Variants in ANK2 observed in about 807,000 individuals in gnomAD.
ANK2 encodes the protein ankyrin 2.
In ANK2, 83 loss-of-function variants were observed where a neutral mutation model predicts 360.5. The observed-to-expected ratio is 0.23, with a 90% CI of 0.19 to 0.28. The LOEUF is 0.28. Ranked by LOEUF, ANK2 falls within the 10% of genes least tolerant of loss-of-function variation. The probability of loss-of-function intolerance (pLI) is 1.00; values close to 1 mark genes in which losing one functional copy is unlikely to be tolerated. For synonymous variants in ANK2, 1,740 were observed against 1,759.5 expected (o/e 0.99, Z 0.28); for missense variants, 4,201 against 4,795.7 (o/e 0.88, Z 3.66).
intron 2 of ANK2, among the ~76,000 whole-genome samples, chr4:112,994,440 A>G (rs2047855798): frequency 6.6e-6 from 1 of 152,224 alleles, no homozygotes; most frequent in Admixed American, 6.5e-5. Context: ...GAACATTTCT[A>G]TCTCAGCTAG....
At chr4:113,164,379 T>A (rs1256226777) in intron 1 of ANK2, among the ~76,000 whole-genome samples, 2 of 152,260 alleles carry the variant, frequency 1.3e-5, no homozygotes, top group African/African-American at 4.8e-5. Flanking sequence ...TGCAAGTTCT[T>A]TTAAAATAGT....
chr4:113,137,512 G>A (rs1337789709), intron 1 of ANK2, among the ~76,000 whole-genome samples: 2 of 152,052 alleles, frequency 1.3e-5, no homozygotes, highest in African/African-American at 4.8e-5. Flanking sequence ...AAATACTAAG[G>A]AACTGGTAGA....
intron 1 of ANK2, among the ~76,000 whole-genome samples, chr4:113,112,650 C>T (rs576050800): frequency 1.5e-4 from 23 of 152,032 alleles, no homozygotes; most frequent in East Asian, 3.9e-4. Flanking sequence ...AGGGGTGTCC[C>T]GAGGGTAGCT....
At chr4:112,753,164 T>C in the ANK2 span, among the ~76,000 whole-genome samples, 1 of 152,198 alleles carries the variant, frequency 6.6e-6, no homozygotes, top group Non-Finnish European at 1.5e-5. Flanking sequence ...CTCACCAAGG[T>C]GCTTCTCCCG....
At chr4:112,746,397 A>T in the ANK2 span, among the ~76,000 whole-genome samples, 1 of 151,772 alleles carries the variant, frequency 6.6e-6, no homozygotes, top group Non-Finnish European at 1.5e-5. Context: ...TAACCCAGGT[A>T]CTCAGGAGGC....
chr4:112,727,053 A>AT, the ANK2 span, among the ~76,000 whole-genome samples: 1 of 152,018 alleles, frequency 6.6e-6, no homozygotes, highest in Non-Finnish European at 1.5e-5. Flanking sequence ...TAATTCAGAG[A>AT]CTAGCTGTAG....
At chr4:113,147,242 G>A (rs958346038) in intron 1 of ANK2, among the ~76,000 whole-genome samples, 12 of 152,154 alleles carry the variant, frequency 7.9e-5, no homozygotes, top group South Asian at 4.1e-4. Context: ...CCGCACAGGC[G>A]AGGTTTGTAA....
rs761605278 is a variant in ANK2 at position 113,381,511 on chromosome 4, T to C, written c.*40T>C. ...AGAGGGCTGTGGTGAAGGACCAGCA[T>C]GGAAAACGCATTGACTTGGAGCACC... On this transcript the variant is annotated 3_prime_UTR_variant, in exon 46 of 46. Transcript: ENST00000357077. 1 of 1,614,008 alleles carries C rather than the reference T, an allele frequency of 6.2e-7. No individual in the cohort carries two copies.
intron 5 of ANK2, among the ~76,000 whole-genome samples, chr4:113,235,150 CTT>C (rs1167665052): frequency 1.3e-5 from 2 of 152,188 alleles, no homozygotes; most frequent in East Asian, 3.9e-4. Context: ...ATTTCACACT[CTT>C]TTAATATAAA....
chr4:112,827,184 C>T (rs1010574073), intron 1 of ANK2: 1 of 1,154,442 alleles, frequency 8.7e-7, no homozygotes. Context: ...GTAGTGATAC[C>T]AGGTCACACC....
intron 2 of ANK2, among the ~76,000 whole-genome samples, chr4:113,041,653 A>C (rs1270988579): frequency 1.3e-5 from 2 of 152,158 alleles, no homozygotes; most frequent in Non-Finnish European, 1.5e-5. Context: ...AAGGTATGTA[A>C]TAATGATTAG....
chr4:113,226,875 A>G (rs905125796), intron 4 of ANK2, among the ~76,000 whole-genome samples: 1 of 152,208 alleles, frequency 6.6e-6, no homozygotes, highest in Non-Finnish European at 1.5e-5. Flanking sequence ...TCACCCACCC[A>G]GTATCAGCCT....
intron 2 of ANK2, among the ~76,000 whole-genome samples, chr4:113,037,518 A>G (rs1468602558): frequency 6.6e-6 from 1 of 151,978 alleles, no homozygotes; most frequent in Non-Finnish European, 1.5e-5. Context: ...ACTGGCAAGC[A>G]GATACTATAT....
At chr4:112,824,282 C>T (rs1196886398) in intron 1 of ANK2, among the ~76,000 whole-genome samples, 2 of 151,906 alleles carry the variant, frequency 1.3e-5, no homozygotes, top group African/African-American at 4.8e-5. Context: ...TGGCTTCAAG[C>T]GATCTTCCAG....
intron 1 of ANK2, among the ~76,000 whole-genome samples, chr4:112,819,076 T>C (rs2149497560): frequency 6.6e-6 from 1 of 152,358 alleles, no homozygotes; most frequent in East Asian, 1.9e-4. Context: ...GATTCTCACC[T>C]CGACGATGTC....
At chr4:112,821,708 A>C (rs569424158) in intron 1 of ANK2, among the ~76,000 whole-genome samples, 1 of 151,944 alleles carries the variant, frequency 6.6e-6, no homozygotes, top group South Asian at 2.1e-4. Context: ...CAGTTATGGC[A>C]AATCACATAC....
intron 2 of ANK2, among the ~76,000 whole-genome samples, chr4:112,942,527 G>A (rs758766876): frequency 6.4e-4 from 98 of 152,104 alleles, no homozygotes; most frequent in African/African-American, 2.2e-3. Context: ...TTGAACCCAG[G>A]TAGTCTTACT....
intron 2 of ANK2, among the ~76,000 whole-genome samples, chr4:113,014,880 A>C: frequency 1.1e-5 from 1 of 91,462 alleles, no homozygotes; most frequent in Non-Finnish European, 1.9e-5. Flanking sequence ...TTTTTTTGAG[A>C]CGGAGTCTCG....
chr4:113,318,701 T>A, intron 26 of ANK2, 81 bp downstream of exon 26: 5 of 1,201,050 alleles, frequency 4.2e-6, no homozygotes, highest in Non-Finnish European at 6.0e-6. Context: ...CCAGTAGCTT[T>A]AGCTGGTGGC....
Sources: allele counts gnomAD v4.1 joint callset (sites outside exome capture counted in the v4.1 genomes callset), GRCh38; gene constraint gnomAD v4.1.1; transcripts MANE v1.5; gene names NCBI Gene and HGNC (gene_info 2026-07-23, HGNC 2026-07-21).